MYZAP: variants seen among roughly 807,000 people sequenced by gnomAD.
MYZAP encodes the protein GRINL1A complex locus upstream.
In MYZAP, 66 loss-of-function variants were observed where a neutral mutation model predicts 69.4. The ratio of observed to expected loss-of-function variants is 0.95; its 90% CI spans 0.78 to 1.17. The LOEUF (loss-of-function observed/expected upper bound fraction) is 1.17, where lower values mean the gene tolerates loss of function less well. MYZAP is among the 50% of genes most tolerant of loss of function. The pLI is 0.00. For synonymous variants in MYZAP, 256 were observed against 205.9 expected, an observed-to-expected ratio of 1.24 and a Z score of -2.09; for missense variants, 611 against 556.2, an observed-to-expected ratio of 1.10 and a Z score of -0.99.
chr15:57,625,812 C>G lies in MYZAP; in HGVS notation c.445C>G (p.His149Asp), dbSNP rs1595882222. Residue 149 changes from histidine to aspartate, a missense_variant, in exon 5 of 13, where the codon CAC (histidine) becomes GAC (aspartate). Transcript: ENST00000267853. The part of the protein sequence containing the change: ...SHAQQEYLEN[H>D]IQTQSSALDR... The stretch of plus-strand genomic sequence containing the variant: ...TGCTCAGCAGGAGTATCTGGAGAAT[C>G]ACATCCAAACCCAGTCGTCTGCCCT... The G allele has an allele frequency of 3.1e-6, 5 of 1,614,174 alleles. No individual in the cohort carries two copies. Among genetic ancestry groups the G allele is most frequent in the Non-Finnish European group, 3.4e-6 (4 of 1,180,030 alleles).
chr15:57,677,136 C>T (rs2039180756), intron 12 of MYZAP, among the ~76,000 whole-genome samples: 1 of 152,210 alleles, frequency 6.6e-6, no homozygotes, highest in Non-Finnish European at 1.5e-5. Context: ...ACCTGCGCTT[C>T]TTGGAACTGC....
At chr15:57,637,910 C>T in intron 9 of MYZAP, 136 bp downstream of exon 9, 2 of 903,122 alleles carry the variant, frequency 2.2e-6, no homozygotes, top group Non-Finnish European at 3.3e-6. Context: ...TAACATTGGG[C>T]TGAGAGTTTC....
At position 57,632,499 on chromosome 15, in the gene MYZAP, G is replaced by A. The variant is rs370378051; in HGVS notation, c.744G>A (p.Gln248=). Residue 248 remains glutamine (Q), a synonymous_variant, in exon 7 of 13, where the codon CAG becomes CAA. Coordinates refer to ENST00000267853, the MANE Select transcript of MYZAP (RefSeq NM_001018100.5). ...MREMTKKLYS[Q]YEEKLQEEQR... Reference sequence around the variant, plus strand: ...AGATGACCAAGAAGCTGTACAGCCAGTATGAGGAGAAGCTGCAGGAAGAAC... The same window carrying A: ...AGATGACCAAGAAGCTGTACAGCCAATATGAGGAGAAGCTGCAGGAAGAAC... The A allele has an allele frequency of 3.0e-5, 48 of 1,614,238 alleles. No homozygotes were observed. In the African/African-American group the frequency reaches 5.5e-4, roughly 18 times the overall value.
chr15:57,604,394 C>G, intron 2 of MYZAP, 39 bp downstream of exon 2: 1 of 1,609,208 alleles, frequency 6.2e-7, no homozygotes. Context: ...CAAGTTCCAG[C>G]CTCTATACCC....
chr15:57,617,951 A>G, intron 2 of MYZAP, 82 bp from the exon 3 acceptor site: 1 of 1,510,126 alleles, frequency 6.6e-7, no homozygotes, highest in Non-Finnish European at 8.8e-7. Context: ...TTGCATAATC[A>G]TACACAGTGG....
chr15:57,634,881 T>G (rs768059825), intron 8 of MYZAP, among the ~76,000 whole-genome samples: 20 of 151,872 alleles, frequency 1.3e-4, no homozygotes, highest in Non-Finnish European at 2.2e-4. Flanking sequence ...CCAGAGGGGG[T>G]GGTGGTGAAG....
At chr15:57,625,114 A>G (rs1417553032) in intron 4 of MYZAP, among the ~76,000 whole-genome samples, 1 of 151,310 alleles carries the variant, frequency 6.6e-6, no homozygotes, top group East Asian at 1.9e-4. Flanking sequence ...CTGGAGTGCA[A>G]TGGCGCCATC....
At chr15:57,658,311 A>G (rs1300493333) in intron 10 of MYZAP, among the ~76,000 whole-genome samples, 1 of 152,162 alleles carries the variant, frequency 6.6e-6, no homozygotes, top group Non-Finnish European at 1.5e-5. Flanking sequence ...ATCTCTGAAC[A>G]TATGGACTTT....
At chr15:57,646,020 T>G (rs1374086761) in intron 10 of MYZAP, 23 of 459,846 alleles carry the variant, frequency 5.0e-5, no homozygotes, top group South Asian at 4.3e-4. Flanking sequence ...CTAAATGCCC[T>G]GTGTTTAGAG....
rs1250695707 is a variant in MYZAP, at chr15:57,622,726, AT to A, written c.411+1027del. Among the ~76,000 whole-genome samples the A allele has an allele frequency of 1.2e-4, 18 of 152,228 alleles. 1 individual carries two copies. Among genetic ancestry groups the A allele is most frequent in the Admixed American group, 1.2e-3 (18 of 15,286 alleles). ...AATTCCTAAAGTATCAAAGATTTAA[AT>A]GTGAAAAATAAAACCCAAAAGTGCC... On this transcript the variant is annotated intron_variant, in intron 4 of 12. Transcript: ENST00000267853.
Position 57,629,971 on chromosome 15 carries a change from A to ATTTTTTTT in MYZAP, c.678+125_678+132dup, listed in dbSNP as rs59322468. On this transcript the variant is annotated intron_variant, in intron 6 of 12. Coordinates refer to ENST00000267853, the MANE Select transcript of MYZAP (RefSeq NM_001018100.5). ...TTTTCTCCATTCTCTTCTTCATTGG[A>ATTTTTTTT]TTTTTTTTTTTTTTTGAGACAGAGT... 4,057 of 872,902 alleles carry ATTTTTTTT rather than the reference A, an allele frequency of 4.6e-3. 69 individuals are homozygous for ATTTTTTTT. The highest frequency in any genetic ancestry group is 0.029 in the African/African-American group (1,255 of 43,524). The allele number at this position is 872,902 out of a possible 1,614,324, so 54.1% of individuals were successfully genotyped here. A position where few individuals can be genotyped will look rare whatever the true frequency, so the allele number is the denominator to read the frequency against.
At chr15:57,621,895 C>T (rs1003885817) in intron 4 of MYZAP, among the ~76,000 whole-genome samples, 195 bp downstream of exon 4, 10 of 152,082 alleles carry the variant, frequency 6.6e-5, no homozygotes, top group Admixed American at 2.0e-4. Context: ...TAAGAATAAT[C>T]GTATTCATAT....
In MYZAP at chr15:57,684,460, A is replaced by G; in HGVS notation, c.1363A>G (p.Arg455Gly). Residue 455 changes from arginine to glycine, a missense_variant, in exon 13 of 13, where the codon AGA becomes GGA. Arg to Gly is a moderately radical substitution (Grantham distance 125, BLOSUM62 -2). Transcript: ENST00000267853. ...MPSRNYTPYT[R>G]VLELTMKKTL... ...TTCTAGGAACTACACCCCATACACA[A>G]GAGTCCTGGAGTTAACCATGAAGAA... is the stretch of plus-strand genomic sequence containing the variant. 1 of 1,613,372 alleles carries G rather than the reference A, an allele frequency of 6.2e-7. No individual in the cohort carries two copies. The highest frequency in any genetic ancestry group is 8.5e-7 in the Non-Finnish European group (1 of 1,179,700).
At chr15:57,595,581 C>T (rs968587070) in intron 1 of MYZAP, among the ~76,000 whole-genome samples, 2 of 151,826 alleles carry the variant, frequency 1.3e-5, no homozygotes, top group East Asian at 1.9e-4. Context: ...AGCACACAAC[C>T]GGGTCACACA....
At chr15:57,617,509 A>G (rs1274152766) in intron 2 of MYZAP, among the ~76,000 whole-genome samples, 2 of 152,144 alleles carry the variant, frequency 1.3e-5, no homozygotes, top group African/African-American at 4.8e-5. Flanking sequence ...TTTCAGAAAT[A>G]TTTCATGAAT....
intron 10 of MYZAP, 143 bp downstream of exon 10, chr15:57,639,688 G>A (rs1160940228): frequency 7.8e-6 from 7 of 900,518 alleles, no homozygotes; most frequent in Non-Finnish European, 1.7e-6. Flanking sequence ...CCCAGAGTGG[G>A]ATTTCCCCAC....
At chr15:57,640,112 A>G (rs2037063195) in intron 10 of MYZAP, among the ~76,000 whole-genome samples, 1 of 152,064 alleles carries the variant, frequency 6.6e-6, no homozygotes, top group African/African-American at 2.4e-5. Context: ...CAGGAAACCA[A>G]GCTATACATT....
chr15:57,619,983 G>A (rs534079702), intron 3 of MYZAP, among the ~76,000 whole-genome samples: 2 of 152,208 alleles, frequency 1.3e-5, no homozygotes, highest in African/African-American at 4.8e-5. Context: ...TGCCATAGGT[G>A]GCTTCAGTTC....
At chr15:57,634,875 A>G (rs1265193752) in intron 8 of MYZAP, among the ~76,000 whole-genome samples, 5 of 152,172 alleles carry the variant, frequency 3.3e-5, no homozygotes, top group Admixed American at 6.5e-5. Flanking sequence ...TATTGACCAG[A>G]GGGGGTGGTG....
Sources: allele counts gnomAD v4.1 joint callset (sites outside exome capture counted in the v4.1 genomes callset), GRCh38; gene constraint gnomAD v4.1.1; transcripts MANE v1.5; gene names NCBI Gene and HGNC (gene_info 2026-07-23, HGNC 2026-07-21).